Variants in PPP2R2B observed in about 807,000 individuals in gnomAD.
PPP2R2B encodes serine/threonine-protein phosphatase 2A 55 kDa regulatory subunit B beta isoform.
Under a neutral mutation model 46.0 loss-of-function variants are expected in PPP2R2B, and 5 were observed. That is an observed-to-expected ratio of 0.11 (90% CI 0.06 to 0.23). The LOEUF is 0.23. Ranked by LOEUF, PPP2R2B falls within the 10% of genes least tolerant of loss-of-function variation. PPP2R2B has a pLI of 1.00. For missense variants in PPP2R2B, 367 were observed against 575.0 expected (o/e 0.64, Z 3.70); for synonymous variants, 215 against 206.7 (o/e 1.04, Z -0.34).
intron 1 of PPP2R2B, among the ~76,000 whole-genome samples, chr5:147,014,591 A>G (rs1484687023): frequency 6.6e-6 from 1 of 152,150 alleles, no homozygotes; most frequent in African/African-American, 2.4e-5. Flanking sequence ...TTGCAGGGAC[A>G]TGGATGAAAT....
intron 1 of PPP2R2B, among the ~76,000 whole-genome samples, chr5:146,948,187 T>C (rs1264428474): frequency 6.6e-6 from 1 of 152,094 alleles, no homozygotes; most frequent in East Asian, 1.9e-4. Context: ...GGACTATGTT[T>C]ATTCAACATT....
intron 1 of PPP2R2B, among the ~76,000 whole-genome samples, chr5:146,899,498 T>A (rs962355435): frequency 2.7e-5 from 4 of 148,590 alleles, no homozygotes; most frequent in Non-Finnish European, 4.5e-5. Context: ...GGGTGAGGGA[T>A]AGCTTTAGGA....
chr5:146,907,275 G>A (rs1324758351), intron 1 of PPP2R2B, among the ~76,000 whole-genome samples: 1 of 152,054 alleles, frequency 6.6e-6, no homozygotes, highest in Non-Finnish European at 1.5e-5. Context: ...TTGCACAAGC[G>A]AGCTGGGGGA....
intron 2 of PPP2R2B, among the ~76,000 whole-genome samples, chr5:147,067,652 C>G (rs1021834719): frequency 1.3e-5 from 2 of 152,128 alleles, no homozygotes; most frequent in Non-Finnish European, 2.9e-5. Context: ...TGTCTGTTTT[C>G]CTTTCTGTAC....
chr5:146,604,487 G>C (rs1772072896), intron 7 of PPP2R2B, among the ~76,000 whole-genome samples: 1 of 152,136 alleles, frequency 6.6e-6, no homozygotes, highest in Non-Finnish European at 1.5e-5. Flanking sequence ...AACTAAGGGA[G>C]AGACAAGAAG....
At chr5:147,058,128 C>A (rs771582582), upstream of PPP2R2B, among the ~76,000 whole-genome samples, 2 of 152,152 alleles carry the variant, frequency 1.3e-5, no homozygotes, top group Non-Finnish European at 2.9e-5. Context: ...CTAGTGCCTG[C>A]ACAAAGTAGA....
At chr5:146,747,404 C>T (rs978001204) in intron 2 of PPP2R2B, among the ~76,000 whole-genome samples, 6 of 152,136 alleles carry the variant, frequency 3.9e-5, no homozygotes, top group African/African-American at 7.2e-5. Context: ...CCAAAGCACT[C>T]CAGGGCATCA....
At chr5:146,919,593 G>C (rs893697169) in intron 1 of PPP2R2B, 1 of 152,150 alleles carries the variant, frequency 6.6e-6, no homozygotes, top group Non-Finnish European at 1.5e-5. Flanking sequence ...TCTGTCTTCC[G>C]CACATTCTCC....
At chr5:146,846,749 T>C (rs1425066257) in intron 2 of PPP2R2B, among the ~76,000 whole-genome samples, 1 of 152,212 alleles carries the variant, frequency 6.6e-6, no homozygotes, top group African/African-American at 2.4e-5. Context: ...TAAAATTACA[T>C]ATGTGGCTTA....
At chr5:146,938,254 A>G (rs1045778671) in intron 1 of PPP2R2B, among the ~76,000 whole-genome samples, 2 of 152,204 alleles carry the variant, frequency 1.3e-5, no homozygotes, top group African/African-American at 4.8e-5. Context: ...CTGATTTCAG[A>G]TATATTAAAT....
At chr5:146,794,851 C>G (rs893614176) in intron 2 of PPP2R2B, among the ~76,000 whole-genome samples, 2 of 152,016 alleles carry the variant, frequency 1.3e-5, no homozygotes, top group African/African-American at 4.8e-5. Context: ...TTTCCAGAAC[C>G]ACTGACTCAT....
chr5:146,993,900 A>G, intron 1 of PPP2R2B, among the ~76,000 whole-genome samples: 1 of 152,020 alleles, frequency 6.6e-6, no homozygotes, highest in African/African-American at 2.4e-5. Context: ...TTCTCTAAGG[A>G]TCCAGAATTG....
intron 2 of PPP2R2B, among the ~76,000 whole-genome samples, chr5:146,841,485 A>G (rs559737484): frequency 1.3e-3 from 193 of 152,176 alleles, no homozygotes; most frequent in Non-Finnish European, 2.2e-3. Flanking sequence ...TACCTCCCAA[A>G]CTTCCCTATG....
rs1249732987 is a variant in PPP2R2B, at chr5:146,870,472, G to A, written c.70+7530C>T. Among the ~76,000 whole-genome samples the A allele has an allele frequency of 2.0e-5, 3 of 152,286 alleles. No homozygotes were observed. In the East Asian group the frequency reaches 5.8e-4, roughly 29 times the overall value. ...CCCAGCAAGAAGTTGGCTATACATG[G>A]GAAGAGAGAACTCACCAGAAACCAA... On this transcript the variant is annotated intron_variant, in intron 2 of 9. Transcript: ENST00000394411.
intron 1 of PPP2R2B, among the ~76,000 whole-genome samples, chr5:146,977,587 C>T (rs1247146504): frequency 6.6e-6 from 1 of 152,116 alleles, no homozygotes; most frequent in Non-Finnish European, 1.5e-5. Context: ...CATGTGTTCT[C>T]ACTGTTCAAC....
intron 2 of PPP2R2B, among the ~76,000 whole-genome samples, chr5:146,798,277 C>T (rs1210391165): frequency 1.3e-5 from 2 of 152,116 alleles, no homozygotes; most frequent in Non-Finnish European, 2.9e-5. Context: ...CTCTTCTCTC[C>T]TCTCACGTAT....
intron 6 of PPP2R2B, among the ~76,000 whole-genome samples, chr5:146,646,396 G>A (rs1484433234): frequency 2.0e-5 from 3 of 152,118 alleles, no homozygotes; most frequent in African/African-American, 7.2e-5. Flanking sequence ...ATTGTCTCTT[G>A]CCCTAGAAAA....
chr5:146,985,147 A>T (rs901557074), intron 1 of PPP2R2B, among the ~76,000 whole-genome samples: 2 of 150,524 alleles, frequency 1.3e-5, no homozygotes, highest in Non-Finnish European at 2.9e-5. Context: ...CAGCCTCCTG[A>T]ATAGCTGGGA....
At position 146,590,093 on chromosome 5, in the gene PPP2R2B, C is replaced by G. The variant is rs780732593; in HGVS notation, c.1186G>C (p.Gly396Arg). Residue 396 changes from glycine (G) to arginine (R), a missense_variant, in exon 10 of 10, where the codon GGG becomes CGG. Physicochemically the swap from Gly to Arg is moderately radical, Grantham distance 125 (BLOSUM62 -2). Coordinates refer to ENST00000394411, the MANE Select transcript of PPP2R2B (RefSeq NM_181675.4). ...AILKPRKVCV[G>R]GKRRKDEISV... is the part of the protein sequence containing the mutation. ...ATCTCGTCTTTTCTCCGCTTGCCCCCCACACACACTTTTCGGGGTTTGAGG... is the reference window on the plus strand; with the variant it reads ...ATCTCGTCTTTTCTCCGCTTGCCCCGCACACACACTTTTCGGGGTTTGAGG... 2.5e-6 allele frequency: 4 copies of G among 1,614,120 alleles called. No homozygotes were observed. The highest frequency in any genetic ancestry group is 3.4e-6 in the Non-Finnish European group (4 of 1,180,042).
Sources: allele counts gnomAD v4.1 joint callset (sites outside exome capture counted in the v4.1 genomes callset), GRCh38; gene constraint gnomAD v4.1.1; transcripts MANE v1.5; gene names NCBI Gene and HGNC (gene_info 2026-07-23, HGNC 2026-07-21).